CCM2L: variants seen among roughly 807,000 people sequenced by gnomAD.
CCM2L encodes CCM2 like scaffold protein.
CCM2L carries 36 observed loss-of-function variants against 54.1 expected under a neutral mutation model. The ratio of observed to expected loss-of-function variants is 0.67; its 90% confidence interval spans 0.51 to 0.88. CCM2L has a LOEUF of 0.88. Ranked by LOEUF, CCM2L falls within the 40% of genes least tolerant of loss-of-function variation. The pLI is 0.00. For missense variants in CCM2L, 700 were observed against 812.1 expected (o/e 0.86, Z 1.68); for synonymous variants, 351 against 359.3 (o/e 0.98, Z 0.26).
chr20:32,031,292 C>A lies in CCM2L; in HGVS notation c.1694C>A (p.Ala565Asp), dbSNP rs1447801234. The change falls in exon 10 of 10, where the codon GCC becomes GAC. Residue 565 changes from alanine (A) to aspartate (D), a missense_variant. By Grantham distance (126) the Ala-to-Asp change is moderately radical. Coordinates refer to ENST00000452892, the MANE Select transcript of CCM2L (RefSeq NM_001365692.1). ...EPRGSRGGSD[A>D]AEDNYL ...CGGGGCTCCAGGGGCGGGAGCGACG[C>A]CGCAGAAGACAACTACCTGTAGCCA... The A allele has an allele frequency of 2.3e-6, 3 of 1,286,504 alleles. No individual in the cohort carries two copies. The highest frequency in any genetic ancestry group is 3.0e-6 in the Non-Finnish European group (3 of 986,408). The allele number at this position is 1,286,504 out of a possible 1,614,324, so 79.7% of individuals were successfully genotyped here. A position where few individuals can be genotyped will look rare whatever the true frequency, so the allele number is the denominator to read the frequency against.
In CCM2L at chr20:32,029,034, C is replaced by T. The variant is rs1394972678; in HGVS notation, c.1173C>T (p.Gly391=). 3 of 1,614,132 alleles carry T rather than the reference C, an allele frequency of 1.9e-6. No individual in the cohort carries two copies. The highest frequency in any genetic ancestry group is 1.7e-6 in the Non-Finnish European group (2 of 1,179,976). ...SQDTFEACYS[G]TSTPSFHGSH... is the part of the protein sequence containing the mutation. ...ACACCTTTGAAGCATGTTACAGCGGCACGTCCACACCTTCTTTCCATGGCT... is the reference window on the plus strand; with the variant it reads ...ACACCTTTGAAGCATGTTACAGCGGTACGTCCACACCTTCTTTCCATGGCT... The change falls in exon 8 of 10, where the codon GGC becomes GGT. Residue 391 remains glycine, a synonymous_variant. Coordinates refer to ENST00000452892, the MANE Select transcript of CCM2L (RefSeq NM_001365692.1).
At position 32,010,486 on chromosome 20, in the gene CCM2L, T is replaced by G; in HGVS notation, c.30+2T>G. 1 of 1,521,348 alleles carries G rather than the reference T, an allele frequency of 6.6e-7. No individual in the cohort carries two copies. Among genetic ancestry groups the G allele is most frequent in the Non-Finnish European group, 8.8e-7 (1 of 1,138,952 alleles). The allele number at this position is 1,521,348 out of a possible 1,614,324, so 94.2% of individuals were successfully genotyped here. On this transcript the variant is annotated splice_donor_variant, in intron 1 of 9. Coordinates refer to ENST00000452892, the MANE Select transcript of CCM2L (RefSeq NM_001365692.1). LOFTEE classifies it high-confidence loss of function. ...TATGAAGTCAAGAAAGGGAAGAAGG[T>G]AGGTGGGAGGTTGGGAGGGACGAAG... is the stretch of plus-strand genomic sequence containing the variant.
In CCM2L at chr20:32,025,909, T is replaced by TGCA. The variant is rs879492878; in HGVS notation, c.1126_1128dup (p.Ser377dup). The TGCA allele has an allele frequency of 7.7e-7, 1 of 1,304,248 alleles. No homozygotes were observed. The highest frequency in any genetic ancestry group is 2.3e-5 in the Admixed American group (1 of 43,576). 80.8% of individuals were successfully genotyped at this position (1,304,248 alleles called of 1,614,324 possible). ...TGCCTATGATGCCGACTTCAGCTGC[T>TGCA]GCAGCTCCTTGTGAGTACAGCCCCT... On this transcript the variant is annotated inframe_insertion, in exon 7 of 10. Coordinates refer to ENST00000452892, the MANE Select transcript of CCM2L (RefSeq NM_001365692.1).
chr20:32,020,497 C>T lies in CCM2L; in HGVS notation c.933+1088C>T, dbSNP rs148478684. On this transcript the variant is annotated intron_variant, in intron 5 of 9. Transcript: ENST00000452892. ...TGATCTGCATCTGAAGATCTAACGA[C>T]TGTTTCAAACCCAACACATCCAAAA... Among the ~76,000 whole-genome samples the T allele has an allele frequency of 2.2e-3, 334 of 152,328 alleles. 2 individuals are homozygous for T. Among genetic ancestry groups the T allele is most frequent in the African/African-American group, 7.6e-3 (316 of 41,580 alleles).
intron 8 of CCM2L, 150 bp downstream of exon 8, chr20:32,029,274 C>T (rs2064896027): frequency 9.1e-7 from 1 of 1,104,746 alleles, no homozygotes; most frequent in Non-Finnish European, 1.3e-6. Flanking sequence ...TAAACTGAGG[C>T]CAGCTTGTGA....
At position 32,029,681 on chromosome 20, in the gene CCM2L, A is replaced by G; in HGVS notation, c.1264-19A>G. ...GCGCTGCTTCCTGGGATTGATCTCG[A>G]ATGGTGTCCCCCACATAGTTGCGGA... On this transcript the variant is annotated intron_variant, in intron 8 of 9. Transcript: ENST00000452892. 2 of 1,588,698 alleles carry G rather than the reference A, an allele frequency of 1.3e-6. No homozygotes were observed. Among genetic ancestry groups the G allele is most frequent in the African/African-American group, 1.3e-5 (1 of 74,264 alleles).
rs2064752805 is a variant in CCM2L, at chr20:32,017,816, C to T, written c.215C>T (p.Thr72Ile). Residue 72 changes from threonine (T) to isoleucine (I), a missense_variant, in exon 3 of 10, where the codon ACC (threonine) becomes ATC (isoleucine). Transcript: ENST00000452892. ...EKEVKFLGHLTWVTSSLNPSS... is the reference protein window; with the variant it reads ...EKEVKFLGHLIWVTSSLNPSS... ...TCCATCCAGTTCCTGGGCCACCTTA[C>T]CTGGGTGACTTCCTCACTGAACCCC... The T allele has an allele frequency of 6.2e-7, 1 of 1,614,124 alleles. No individual in the cohort carries two copies.
At chr20:32,022,561 T>C in intron 5 of CCM2L, 99 bp from the exon 6 acceptor site, 1 of 1,411,096 alleles carries the variant, frequency 7.1e-7, no homozygotes, top group Non-Finnish European at 9.7e-7. Context: ...TCTATAGGTG[T>C]GTATCTTTGT....
Position 32,015,094 on chromosome 20 carries a change from T to C in CCM2L, c.198+23T>C, listed in dbSNP as rs562100832. ...AAGGTGCGTGCAGGATGAGAAGGGG[T>C]GGGAAAACCTTGGGGTGAGGAGACC... is the stretch of plus-strand genomic sequence containing the variant. On this transcript the variant is annotated intron_variant, in intron 2 of 9. Transcript: ENST00000452892. The C allele has an allele frequency of 8.1e-5, 118 of 1,463,128 alleles. 1 individual carries two copies. In the South Asian group the frequency reaches 1.6e-3, roughly 20 times the overall value. The allele number at this position is 1,463,128 out of a possible 1,614,324, so 90.6% of individuals were successfully genotyped here.
Position 32,014,980 on chromosome 20 carries a change from G to C in CCM2L, c.107G>C (p.Arg36Pro), listed in dbSNP as rs769382467. ...RRAACRSSVSRRPLHSMPLYP... is the reference protein window; with the variant it reads ...RRAACRSSVSPRPLHSMPLYP... ...GCAGCCTGTAGGAGCAGCGTGAGCC[G>C]CCGGCCCCTGCACTCGATGCCCCTT... The change falls in exon 2 of 10, where the codon CGC becomes CCC. Residue 36 changes from arginine (R) to proline (P), a missense_variant. Transcript: ENST00000452892. 2.5e-6 allele frequency: 4 copies of C among 1,589,010 alleles called. No individual in the cohort carries two copies. In the South Asian group the frequency reaches 3.4e-5, roughly 13 times the overall value.
Position 32,019,177 on chromosome 20 carries a change from C to T in CCM2L, c.701C>T (p.Ser234Leu). 1 of 1,125,574 alleles carries T rather than the reference C, an allele frequency of 8.9e-7. No individual in the cohort carries two copies. The allele number at this position is 1,125,574 out of a possible 1,614,324, so 69.7% of individuals were successfully genotyped here. A position where few individuals can be genotyped will look rare whatever the true frequency, so the allele number is the denominator to read the frequency against. ...LERQRAGARA[S>L]GSWERRQTFS... ...CGCCAGCGCGCCGGGGCGCGGGCGTCGGGCAGCTGGGAGCGACGGCAGACG... is the reference window on the plus strand; with the variant it reads ...CGCCAGCGCGCCGGGGCGCGGGCGTTGGGCAGCTGGGAGCGACGGCAGACG... The change falls in exon 5 of 10, where the codon TCG (serine) becomes TTG (leucine). Residue 234 changes from serine to leucine, a missense_variant. Coordinates refer to ENST00000452892, the MANE Select transcript of CCM2L (RefSeq NM_001365692.1).
At position 32,018,156 on chromosome 20, in the gene CCM2L, A is replaced by C. The variant is rs779419425; in HGVS notation, c.460A>C (p.Lys154Gln). The C allele has an allele frequency of 1.5e-5, 21 of 1,358,204 alleles. No individual in the cohort carries two copies. The highest frequency in any genetic ancestry group is 1.7e-5 in the Non-Finnish European group (18 of 1,030,878). 84.1% of individuals were successfully genotyped at this position (1,358,204 alleles called of 1,614,324 possible). The part of the protein sequence containing the change: ...QDDALHLLVL[K>Q]TGLGVDPVPA... ...CGACGCGCTGCACCTGCTAGTGCTCAAGACCGGTGCGGCGGGAGGGGGCGG... is the reference window on the plus strand; with the variant it reads ...CGACGCGCTGCACCTGCTAGTGCTCCAGACCGGTGCGGCGGGAGGGGGCGG... The change falls in exon 4 of 10, where the codon AAG (lysine) becomes CAG (glutamine). Residue 154 changes from lysine to glutamine, a missense_variant. Lys to Gln is a moderately conservative substitution (Grantham distance 53, BLOSUM62 1). Transcript: ENST00000452892.
In CCM2L at chr20:32,017,848, C is replaced by A; in HGVS notation, c.247C>A (p.Arg83=). 7 of 1,614,080 alleles carry A rather than the reference C, an allele frequency of 4.3e-6. No individual in the cohort carries two copies. Among genetic ancestry groups the A allele is most frequent in the Middle Eastern group, 1.6e-4 (1 of 6,062 alleles). Residue 83 remains arginine (R), a synonymous_variant, in exon 3 of 10, where the codon CGG becomes AGG. Coordinates refer to ENST00000452892, the MANE Select transcript of CCM2L (RefSeq NM_001365692.1). The stretch of plus-strand genomic sequence containing the variant: ...GACTTCCTCACTGAACCCCTCCAGT[C>A]GGGACGAGCTCCTGCAGCTGCTAGA... ...WVTSSLNPSS[R]DELLQLLDTA... is the part of the protein sequence containing the mutation.
intron 4 of CCM2L, 51 bp from the exon 5 acceptor site, chr20:32,018,892 G>C (rs1001777114): frequency 1.6e-6 from 2 of 1,251,352 alleles, no homozygotes; most frequent in African/African-American, 3.1e-5. Flanking sequence ...CGGGGCGGGG[G>C]GGTCTCTGAG....
rs538016901 is a variant in CCM2L, at chr20:32,015,038, T to C, written c.165T>C (p.Ile55=). The C allele has an allele frequency of 6.5e-7, 1 of 1,540,230 alleles. No individual in the cohort carries two copies. Among genetic ancestry groups the C allele is most frequent in the South Asian group, 1.2e-5 (1 of 81,760 alleles). Residue 55 remains isoleucine (I), a synonymous_variant, in exon 2 of 10, where the codon ATT becomes ATC. Transcript: ENST00000452892. ...CCGACTACCTCATCGACCCCCAGAT[T>C]CTGCTGTGTGACTACCTGGAGAAAG... ...YPPDYLIDPQ[I]LLCDYLEKEV... is the part of the protein sequence containing the mutation.
At position 32,022,748 on chromosome 20, in the gene CCM2L, G is replaced by C. The variant is rs2064817113; in HGVS notation, c.1022G>C (p.Gly341Ala). The C allele has an allele frequency of 6.2e-7, 1 of 1,613,666 alleles. No individual in the cohort carries two copies. Among genetic ancestry groups the C allele is most frequent in the South Asian group, 1.1e-5 (1 of 91,064 alleles). Residue 341 changes from glycine (G) to alanine (A), a missense_variant, in exon 6 of 10, where the codon GGC (glycine) becomes GCC (alanine). By Grantham distance (60) the Gly-to-Ala change is moderately conservative. Coordinates refer to ENST00000452892, the MANE Select transcript of CCM2L (RefSeq NM_001365692.1). ...AGTATTGAGTGTGTGGACCGGGCTGGCTACCACTACACATCCACACCTGAA... is the reference window on the plus strand; with the variant it reads ...AGTATTGAGTGTGTGGACCGGGCTGCCTACCACTACACATCCACACCTGAA... ...DQSIECVDRA[G>A]YHYTSTPERP...
In CCM2L at chr20:32,018,291, G is replaced by A. The variant is rs959656559; in HGVS notation, c.466+129G>A. 6.9e-5 allele frequency: 51 copies of A among 743,984 alleles called. No individual in the cohort carries two copies. In the African/African-American group the frequency reaches 7.3e-4, roughly 11 times the overall value. The allele number at this position is 743,984 out of a possible 1,614,324, so 46.1% of individuals were successfully genotyped here. On this transcript the variant is annotated intron_variant, in intron 4 of 9. Coordinates refer to ENST00000452892, the MANE Select transcript of CCM2L (RefSeq NM_001365692.1). The stretch of plus-strand genomic sequence containing the variant: ...GGATGGAGAAGGAGAGGGACCTGCG[G>A]CGGGGGCAGAGGAGATGGAAAAGGT...
intron 5 of CCM2L, among the ~76,000 whole-genome samples, chr20:32,021,627 G>A (rs576843975): frequency 1.6e-4 from 24 of 152,220 alleles, no homozygotes; most frequent in South Asian, 4.1e-4. Flanking sequence ...CTGGGCGACC[G>A]GAGTGTGACT....
intron 3 of CCM2L, 28 bp downstream of exon 3, chr20:32,017,911 G>A: frequency 1.2e-6 from 2 of 1,612,992 alleles, no homozygotes; most frequent in African/African-American, 1.3e-5. Context: ...GAGGAGGGCA[G>A]GATCTCGCTC....
Sources: allele counts gnomAD v4.1 joint callset (sites outside exome capture counted in the v4.1 genomes callset), GRCh38; gene constraint gnomAD v4.1.1; transcripts MANE v1.5; gene names NCBI Gene and HGNC (gene_info 2026-07-23, HGNC 2026-07-21).